The following LRFN1 variants were observed in gnomAD, a reference collection of about 807,000 sequenced individuals.
LRFN1 encodes the protein leucine-rich repeat and fibronectin type III domain-containing protein 1.
LRFN1 carries 20 observed loss-of-function variants against 31.8 expected under a neutral mutation model. The ratio of observed to expected loss-of-function variants is 0.63; its 90% CI spans 0.44 to 0.91. LRFN1 has a LOEUF of 0.91. Among genes scored for constraint, LRFN1 ranks in the 40% least tolerant of loss-of-function variants. The pLI, the probability that LRFN1 is intolerant of heterozygous loss-of-function variation, is 0.00. For missense variants in LRFN1, 912 were observed against 1,129.8 expected, an observed-to-expected ratio of 0.81 and a Z score of 2.76; for synonymous variants, 514 against 541.3, an observed-to-expected ratio of 0.95 and a Z score of 0.70.
At chr19:39,313,373 A>C (rs2075157555) in intron 4 of LRFN1, among the ~76,000 whole-genome samples, 1 of 152,194 alleles carries the variant, frequency 6.6e-6, no homozygotes, top group Admixed American at 6.5e-5. Context: ...TCTACTAAAA[A>C]TACAAAACTT....
rs1194863422 is a variant in LRFN1, at chr19:39,314,453, A to G, written c.884T>C (p.Leu295Pro). 6.2e-7 allele frequency: 1 copy of G among 1,609,998 alleles called. No homozygotes were observed. The highest frequency in any genetic ancestry group is 8.5e-7 in the Non-Finnish European group (1 of 1,179,056). The change falls in exon 4 of 5, where the codon CTG becomes CCG. Residue 295 changes from leucine (L) to proline (P), a missense_variant. Leu to Pro is a moderately conservative substitution (Grantham distance 98). Transcript: ENST00000248668. ...CCGTGTGATCAGCGGGGGCTCACAC[A>G]GGAACTCCTCCTCGGGGATGGACCA... is the stretch of plus-strand genomic sequence containing the variant. Reference protein sequence around the residue: ...YFWSIPEEEFLCEPPLITRQA... With the variant: ...YFWSIPEEEFPCEPPLITRQA...
At chr19:39,313,387 T>TACCC (rs2075157581) in intron 4 of LRFN1, among the ~76,000 whole-genome samples, 1 of 152,062 alleles carries the variant, frequency 6.6e-6, no homozygotes, top group Non-Finnish European at 1.5e-5. Context: ...AAAACTTAGC[T>TACCC]GGGTGTGTTG....
chr19:39,314,888 C>A lies in LRFN1; in HGVS notation c.449G>T (p.Arg150Leu), dbSNP rs1044415183. The change falls in exon 4 of 5, where the codon CGC becomes CTC. Residue 150 changes from arginine to leucine, a missense_variant. Around this residue, in one of 2 missense-constraint regions of LRFN1, gnomAD observed 401 missense variants for 572.7 expected, o/e 0.70. Transcript: ENST00000248668. Reference sequence around the variant, plus strand: ...GTCAAAGGCCGCCGACTCCACCCGGCGGATCTGGTTGTTTCCAAGGATCAG... The same window carrying A: ...GTCAAAGGCCGCCGACTCCACCCGGAGGATCTGGTTGTTTCCAAGGATCAG... ...RHLILGNNQI[R>L]RVESAAFDAF... 4 of 1,609,394 alleles carry A rather than the reference C, an allele frequency of 2.5e-6. No individual in the cohort carries two copies. Among genetic ancestry groups the A allele is most frequent in the Non-Finnish European group, 3.4e-6 (4 of 1,178,228 alleles).
chr19:39,314,403 C>T lies in LRFN1; in HGVS notation c.934G>A (p.Val312Met). Residue 312 changes from valine to methionine, a missense_variant, in exon 4 of 5, where the codon GTG becomes ATG. Around this residue, in one of 2 missense-constraint regions of LRFN1, gnomAD observed 401 missense variants for 572.7 expected, o/e 0.70. Transcript: ENST00000248668. ...CGCAGGCTCACCGCCTGGCCTTCCA[C>T]CACCAGGGCCCGGCCCCCCGCCTGC... is the stretch of plus-strand genomic sequence containing the variant. ...TRQAGGRALV[V>M]EGQAVSLRCR... 6.2e-7 allele frequency: 1 copy of T among 1,600,964 alleles called. No individual in the cohort carries two copies. Among genetic ancestry groups the T allele is most frequent in the Non-Finnish European group, 8.5e-7 (1 of 1,175,636 alleles).
rs1327505127 is a variant in LRFN1 at position 39,308,556 on chromosome 19, C to T, written c.1407-14G>A. 1.3e-6 allele frequency: 1 copy of T among 749,052 alleles called. No homozygotes were observed. Among genetic ancestry groups the T allele is most frequent in the Non-Finnish European group, 2.2e-6 (1 of 464,300 alleles). 46.4% of individuals were successfully genotyped at this position (749,052 alleles called of 1,614,324 possible). ...GACGGGATCATCCTGTAGGAGGGGGCGGGTTCAGGGCGGGGTTAGTCCCCC... is the reference window on the plus strand; with the variant it reads ...GACGGGATCATCCTGTAGGAGGGGGTGGGTTCAGGGCGGGGTTAGTCCCCC... On this transcript the variant is annotated splice_polypyrimidine_tract_variant and intron_variant, in intron 4 of 4. Coordinates refer to ENST00000248668, the MANE Select transcript of LRFN1 (RefSeq NM_020862.2). The surrounding 1 kb of genome is among the most constrained non-coding windows in gnomAD (Gnocchi z 6.2).
chr19:39,308,677 C>G lies in LRFN1; in HGVS notation c.1407-135G>C. 1 of 782,308 alleles carries G rather than the reference C, an allele frequency of 1.3e-6. No individual in the cohort carries two copies. Among genetic ancestry groups the G allele is most frequent in the South Asian group, 1.8e-5 (1 of 54,186 alleles). The allele number at this position is 782,308 out of a possible 1,614,324, so 48.5% of individuals were successfully genotyped here. A position where few individuals can be genotyped will look rare whatever the true frequency, so the allele number is the denominator to read the frequency against. On this transcript the variant is annotated intron_variant, in intron 4 of 4. Transcript: ENST00000248668. This position sits in a 1 kb window ranked among gnomAD's most constrained non-coding sequence, Gnocchi z 6.2. The stretch of plus-strand genomic sequence containing the variant: ...TCAGCCGCTACTGAGACAACAGCAG[C>G]AATTCAAGCCCCGCCTCCATCAACA...
Position 39,307,536 on chromosome 19 carries a change from T to G in LRFN1, c.*97A>C. 7.9e-7 allele frequency: 1 copy of G among 1,265,312 alleles called. No individual in the cohort carries two copies. Among genetic ancestry groups the G allele is most frequent in the Non-Finnish European group, 1.0e-6 (1 of 987,810 alleles). The allele number at this position is 1,265,312 out of a possible 1,614,324, so 78.4% of individuals were successfully genotyped here. On this transcript the variant is annotated 3_prime_UTR_variant, in exon 5 of 5. Coordinates refer to ENST00000248668, the MANE Select transcript of LRFN1 (RefSeq NM_020862.2). This position sits in a 1 kb window ranked among gnomAD's most constrained non-coding sequence, Gnocchi z 6.7. The stretch of plus-strand genomic sequence containing the variant: ...AGGGCGCGTCTCCACTCTGGTCCAA[T>G]GTCTTGGCGCTGCGCTTTCTCCCAG...
At chr19:39,320,302 G>GCACACACACA (rs2075184382) in intron 1 of LRFN1, among the ~76,000 whole-genome samples, 1 of 131,076 alleles carries the variant, frequency 7.6e-6, no homozygotes, top group East Asian at 2.2e-4. Flanking sequence ...CATACAACCC[G>GCACACACACA]CAGACACACA....
chr19:39,314,238 T>A lies in LRFN1; in HGVS notation c.1099A>T (p.Thr367Ser). 1 of 1,613,180 alleles carries A rather than the reference T, an allele frequency of 6.2e-7. No homozygotes were observed. The highest frequency in any genetic ancestry group is 8.5e-7 in the Non-Finnish European group (1 of 1,179,674). The change falls in exon 4 of 5, where the codon ACC becomes TCC. Residue 367 changes from threonine to serine, a missense_variant. This residue lies in a region of LRFN1 where 401 missense variants were observed against 572.7 expected (regional missense o/e 0.70). Transcript: ENST00000248668. ...VTITTLRDSGTFTCIASNAAG... is the reference protein window; with the variant it reads ...VTITTLRDSGSFTCIASNAAG... The stretch of plus-strand genomic sequence containing the variant: ...GCATTGGAGGCGATACAAGTGAAGG[T>A]GCCACTGTCCCTCAAGGTGGTGATG...
At position 39,315,420 on chromosome 19, in the gene LRFN1, T is replaced by C. The variant is rs776666730; in HGVS notation, c.-37-47A>G. On this transcript the variant is annotated intron_variant, in intron 3 of 4. Transcript: ENST00000248668. The surrounding 1 kb of genome is among the most constrained non-coding windows in gnomAD (Gnocchi z 4.7). Reference sequence around the variant, plus strand: ...ACCCAGGCGTGGGACTTGGCCGCCATGGGATGTCCTGCTACGAGTCAGGCC... The same window carrying C: ...ACCCAGGCGTGGGACTTGGCCGCCACGGGATGTCCTGCTACGAGTCAGGCC... The C allele has an allele frequency of 1.8e-3, 2,210 of 1,247,648 alleles. 3 individuals are homozygous for C. The highest frequency in any genetic ancestry group is 2.3e-3 in the Non-Finnish European group (2,094 of 930,406). 77.3% of individuals were successfully genotyped at this position (1,247,648 alleles called of 1,614,324 possible).
Position 39,307,898 on chromosome 19 carries a change from G to C in LRFN1, c.2051C>G (p.Pro684Arg), listed in dbSNP as rs1293464017. Reference sequence around the variant, plus strand: ...CCCAGGAACTAGAGCTAGAGTAGGGGGCGCCGAGGTTGGTGGCTCCAGGGC... The same window carrying C: ...CCCAGGAACTAGAGCTAGAGTAGGGCGCGCCGAGGTTGGTGGCTCCAGGGC... The part of the protein sequence containing the change: ...SGALEPPTSA[P>R]PTLALVPGGA... The change falls in exon 5 of 5, where the codon CCC (proline) becomes CGC (arginine). Residue 684 changes from proline to arginine, a missense_variant. Physicochemically the swap from Pro to Arg is moderately radical, Grantham distance 103. Transcript: ENST00000248668. This position sits in a 1 kb window ranked among gnomAD's most constrained non-coding sequence, Gnocchi z 6.7. 1 of 1,565,310 alleles carries C rather than the reference G, an allele frequency of 6.4e-7. No homozygotes were observed. The highest frequency in any genetic ancestry group is 8.6e-7 in the Non-Finnish European group (1 of 1,162,736).
rs774844545 is a variant in LRFN1, at chr19:39,307,700, C to T, written c.2249G>A (p.Gly750Glu). The change falls in exon 5 of 5, where the codon GGG (glycine) becomes GAG (glutamate). Residue 750 changes from glycine (G) to glutamate (E), a missense_variant. Physicochemically the swap from Gly to Glu is moderately conservative, Grantham distance 98 (BLOSUM62 -2). Around this residue, in one of 2 missense-constraint regions of LRFN1, gnomAD observed 511 missense variants for 557.0 expected, o/e 0.92. Transcript: ENST00000248668. The surrounding 1 kb of genome is among the most constrained non-coding windows in gnomAD (Gnocchi z 6.7). ...CAGGCACGCCCTGGCGGAGCCCAGC[C>T]CCAGGTCTCCATCCTCCCCGGCCGC... ...GGAAGEDGDLGLGSARACLAF... is the reference protein window; with the variant it reads ...GGAAGEDGDLELGSARACLAF... 246 of 1,513,408 alleles carry T rather than the reference C, an allele frequency of 1.6e-4. No homozygotes were observed. The highest frequency in any genetic ancestry group is 1.9e-4 in the Non-Finnish European group (222 of 1,140,754). The allele number at this position is 1,513,408 out of a possible 1,614,324, so 93.7% of individuals were successfully genotyped here.
Position 39,307,565 on chromosome 19 carries a change from C to T in LRFN1, c.*68G>A. On this transcript the variant is annotated 3_prime_UTR_variant, in exon 5 of 5. Coordinates refer to ENST00000248668, the MANE Select transcript of LRFN1 (RefSeq NM_020862.2). This position sits in a 1 kb window ranked among gnomAD's most constrained non-coding sequence, Gnocchi z 6.7. ...TTGGCGCTGCGCTTTCTCCCAGTCC[C>T]GCCCCAGCGTCCGTGCGGCTGGGCG... The T allele has an allele frequency of 1.5e-6, 2 of 1,335,692 alleles. No homozygotes were observed. The highest frequency in any genetic ancestry group is 9.6e-7 in the Non-Finnish European group (1 of 1,044,216). 82.7% of individuals were successfully genotyped at this position (1,335,692 alleles called of 1,614,324 possible). A position where few individuals can be genotyped will look rare whatever the true frequency, so the allele number is the denominator to read the frequency against.
Position 39,307,625 on chromosome 19 carries a change from C to A in LRFN1, c.*8G>T. On this transcript the variant is annotated 3_prime_UTR_variant, in exon 5 of 5. Transcript: ENST00000248668. The surrounding 1 kb of genome is among the most constrained non-coding windows in gnomAD (Gnocchi z 6.7). ...CGGCACCCAGGCGTCCCGGCGCCCG[C>A]CCGCCGCTCACACGGTACTCTCCAG... The A allele has an allele frequency of 7.2e-7, 1 of 1,390,310 alleles. No homozygotes were observed. The highest frequency in any genetic ancestry group is 1.5e-5 in the African/African-American group (1 of 65,420). 86.1% of individuals were successfully genotyped at this position (1,390,310 alleles called of 1,614,324 possible).
At chr19:39,311,875 CTTTTTTTTTT>C (rs562002567) in intron 4 of LRFN1, among the ~76,000 whole-genome samples, 5 of 100,606 alleles carry the variant, frequency 5.0e-5, no homozygotes, top group African/African-American at 2.1e-4. Context: ...AAAAGGGAGG[CTTTTTTTTTT>C]TTTTTTTTTT....
rs751432848 is a variant in LRFN1 at position 39,314,281 on chromosome 19, G to A, written c.1056C>T (p.Asp352=). 1.6e-5 allele frequency: 25 copies of A among 1,612,086 alleles called. No individual in the cohort carries two copies. Among genetic ancestry groups the A allele is most frequent in the Middle Eastern group, 1.6e-4 (1 of 6,062 alleles). The change falls in exon 4 of 5, where the codon GAC becomes GAT. Residue 352 remains aspartate (D), a synonymous_variant. Coordinates refer to ENST00000248668, the MANE Select transcript of LRFN1 (RefSeq NM_020862.2). ...TGGTGATGGTCACATCCAGCGTCCC[G>A]TCCCCCCGGACCCGGGTCCGGCTGG... ...GNSSRTRVRG[D]GTLDVTITTL...
At chr19:39,311,545 G>A (rs1379926498) in intron 4 of LRFN1, among the ~76,000 whole-genome samples, 2 of 152,234 alleles carry the variant, frequency 1.3e-5, no homozygotes, top group Non-Finnish European at 2.9e-5. Context: ...GTGTGTCAGT[G>A]TATAAAGGAC....
At position 39,314,052 on chromosome 19, in the gene LRFN1, C is replaced by G. The variant is rs1212969732; in HGVS notation, c.1285G>C (p.Val429Leu). ...ANDSAAERRL[V>L]AAELTSNSVL... is the part of the protein sequence containing the mutation. ...GAGTTCGAGGTGAGCTCGGCTGCCA[C>G]GAGCCGACGCTCAGCCGCAGAATCG... The change falls in exon 4 of 5, where the codon GTG (valine) becomes CTG (leucine). Residue 429 changes from valine (V) to leucine (L), a missense_variant. By Grantham distance (32) the Val-to-Leu change is conservative (BLOSUM62 1). Coordinates refer to ENST00000248668, the MANE Select transcript of LRFN1 (RefSeq NM_020862.2). 11 of 1,611,128 alleles carry G rather than the reference C, an allele frequency of 6.8e-6. No individual in the cohort carries two copies. Among genetic ancestry groups the G allele is most frequent in the Middle Eastern group, 3.3e-4 (2 of 6,056 alleles).
In LRFN1 at chr19:39,308,570, G is replaced by A; in HGVS notation, c.1407-28C>T. 2 of 1,548,152 alleles carry A rather than the reference G, an allele frequency of 1.3e-6. No individual in the cohort carries two copies. The highest frequency in any genetic ancestry group is 2.3e-5 in the East Asian group (1 of 44,314). ...GTAGGAGGGGGCGGGTTCAGGGCGG[G>A]GTTAGTCCCCCCGAACCACGCCCCT... On this transcript the variant is annotated intron_variant, in intron 4 of 4. Coordinates refer to ENST00000248668, the MANE Select transcript of LRFN1 (RefSeq NM_020862.2). This position sits in a 1 kb window ranked among gnomAD's most constrained non-coding sequence, Gnocchi z 6.2.
Sources: gnomAD v4.1 joint callset for allele counts (sites outside exome capture counted in the v4.1 genomes callset) on GRCh38, gnomAD v4.1.1 for gene constraint, gnomAD v4.1.1 regional missense constraint, Gnocchi (gnomAD v3.1) non-coding constraint, MANE v1.5 for transcripts, NCBI Gene and HGNC (gene_info 2026-07-23, HGNC 2026-07-21) for gene names.